Variants in DDX3X observed in about 807,000 individuals in gnomAD.
The protein encoded by DDX3X is ATP-dependent RNA helicase DDX3X.
Under a neutral mutation model 52.7 loss-of-function variants are expected in DDX3X, and 4 were observed. That is an observed-to-expected ratio of 0.08 (90% CI 0.04 to 0.17). The LOEUF (loss-of-function observed/expected upper bound fraction) is 0.17. DDX3X is among the 10% of genes least tolerant of loss of function. DDX3X has a pLI of 1.00. For missense variants in DDX3X, 222 were observed against 548.6 expected, an observed-to-expected ratio of 0.40 and a Z score of 5.95; for synonymous variants, 192 against 178.1, an observed-to-expected ratio of 1.08 and a Z score of -0.62.
At chrX:41,339,271 A>G (rs2063814023) in intron 3 of DDX3X, 188 bp downstream of exon 3, 1 of 218,525 alleles carries the variant, frequency 4.6e-6, no homozygotes, top group Non-Finnish European at 8.7e-6. Context: ...ACGCAGTGGG[A>G]AATTCGGCAT....
At position 41,340,977 on chromosome X, in the gene DDX3X, T is replaced by C. The variant is rs890267136; in HGVS notation, c.152-507T>C. On this transcript the variant is annotated intron_variant, in intron 3 of 16. Coordinates refer to ENST00000644876, the MANE Select transcript of DDX3X (RefSeq NM_001356.5). Reference sequence around the variant, plus strand: ...TAGACTGTCAGATTGCTTGATTTAGTGTAAAGTAATTTTTTTTTTTTTGAG... The same window carrying C: ...TAGACTGTCAGATTGCTTGATTTAGCGTAAAGTAATTTTTTTTTTTTTGAG... 4.1e-5 allele frequency: 11 copies of C among 268,480 alleles called. No homozygotes were observed. The South Asian group carries it at 2.5e-3, about 61-fold the overall frequency. The allele number at this position is 268,480 out of a possible 1,213,427, so 22.1% of individuals were successfully genotyped here. A position where few individuals can be genotyped will look rare whatever the true frequency, so the allele number is the denominator to read the frequency against.
intron 5 of DDX3X, among the ~76,000 whole-genome samples, chrX:41,355,775 C>T (rs1427652582): frequency 9.1e-6 from 1 of 109,290 alleles, no homozygotes; most frequent in African/African-American, 3.3e-5. Flanking sequence ...TGAGCCACCA[C>T]ACCAGGCATG....
At chrX:41,357,083 G>A (rs1402377575) in intron 5 of DDX3X, among the ~76,000 whole-genome samples, 2 of 108,122 alleles carry the variant, frequency 1.8e-5, no homozygotes, top group Admixed American at 2.0e-4. Context: ...ACAGGTGTGC[G>A]CCACCACACC....
intron 5 of DDX3X, among the ~76,000 whole-genome samples, chrX:41,358,275 T>G (rs2064016878): frequency 9.2e-6 from 1 of 108,600 alleles, no homozygotes; most frequent in Non-Finnish European, 1.9e-5. Context: ...ACAGAGTTTC[T>G]CCATGTTGGT....
rs766557541 is a variant in DDX3X, at chrX:41,342,722, AT to A, written c.444-9del. ...GCTAGTATAACAAATGAACTTATCCATTTTTTGATTTGAGGGAACTCTTTTC... is the reference window on the plus strand; with the variant it reads ...GCTAGTATAACAAATGAACTTATCCATTTTTGATTTGAGGGAACTCTTTTC... On this transcript the variant is annotated splice_polypyrimidine_tract_variant and intron_variant, in intron 5 of 16. Coordinates refer to ENST00000644876, the MANE Select transcript of DDX3X (RefSeq NM_001356.5). 1.7e-6 allele frequency: 2 copies of A among 1,209,009 alleles called. No individual in the cohort carries two copies. Among genetic ancestry groups the A allele is most frequent in the Admixed American group, 4.3e-5 (2 of 45,988 alleles).
In DDX3X at chrX:41,344,125, A is replaced by G; in HGVS notation, c.861A>G (p.Arg287=). The G allele has an allele frequency of 8.3e-7, 1 of 1,198,813 alleles. No homozygotes were observed. The highest frequency in any genetic ancestry group is 1.1e-6 in the Non-Finnish European group (1 of 887,739). The part of the protein sequence containing the change: ...ELAVQIYEEA[R]KFSYRSRVRP... ...CAGTACAGATCTACGAGGAAGCCAGAAAAGTAAGTATGAGTTCCAGTGATT... is the reference window on the plus strand; with the variant it reads ...CAGTACAGATCTACGAGGAAGCCAGGAAAGTAAGTATGAGTTCCAGTGATT... Residue 287 remains arginine (R), a synonymous_variant, in exon 9 of 17, where the codon AGA becomes AGG. Coordinates refer to ENST00000644876, the MANE Select transcript of DDX3X (RefSeq NM_001356.5).
Position 41,342,535 on chromosome X carries a change from A to C in DDX3X, c.325A>C (p.Ser109Arg), listed in dbSNP as rs1418745394. ...ACGGAGTGATTACGATGGCATTGGC[A>C]GCCGTGGTGACAGAAGTGGCTTTGG... ...RGRSDYDGIGSRGDRSGFGKF... is the reference protein window; with the variant it reads ...RGRSDYDGIGRRGDRSGFGKF... The change falls in exon 5 of 17, where the codon AGC becomes CGC. Residue 109 changes from serine to arginine, a missense_variant. Ser to Arg is a moderately radical substitution (Grantham distance 110). Around this residue, in one of 5 missense-constraint regions of DDX3X, gnomAD observed 93 missense variants for 123.7 expected, o/e 0.75. Coordinates refer to ENST00000644876, the MANE Select transcript of DDX3X (RefSeq NM_001356.5). The C allele has an allele frequency of 8.3e-7, 1 of 1,210,086 alleles. No individual in the cohort carries two copies. Among genetic ancestry groups the C allele is most frequent in the Non-Finnish European group, 1.1e-6 (1 of 895,215 alleles).
chrX:41,334,446 G>A (rs1294506354), intron 1 of DDX3X, 149 bp downstream of exon 1: 9 of 1,113,535 alleles, frequency 8.1e-6, no homozygotes, highest in Non-Finnish European at 1.1e-5. Context: ...GGGCTATAGA[G>A]GGATAGGAAT....
chrX:41,343,872 A>T (rs373772470), intron 8 of DDX3X, 50 bp downstream of exon 8: 1 of 1,071,979 alleles, frequency 9.3e-7, no homozygotes, highest in South Asian at 1.9e-5. Flanking sequence ...GTAGGTGGCC[A>T]TTGAGAGGGC....
rs2063925417 is a variant in DDX3X, at chrX:41,346,425, C to T, written c.1497+15C>T. On this transcript the variant is annotated intron_variant, in intron 13 of 16. Coordinates refer to ENST00000644876, the MANE Select transcript of DDX3X (RefSeq NM_001356.5). ...TGGCTACAGCAGTATGTATAAACAT[C>T]TTTCTTTTATTCAAATTGAGCATGT... 3 of 1,203,772 alleles carry T rather than the reference C, an allele frequency of 2.5e-6. No individual in the cohort carries two copies. The highest frequency in any genetic ancestry group is 3.4e-6 in the Non-Finnish European group (3 of 890,715).
intron 4 of DDX3X, chrX:41,342,264 C>G: frequency 3.0e-6 from 1 of 335,794 alleles, no homozygotes. Flanking sequence ...ATCTGTGAGG[C>G]CTTTTAGGCT....
rs1017583398 is a variant in DDX3X at position 41,346,520 on chromosome X, C to T, written c.1513C>T (p.Leu505=). Residue 505 remains leucine, a synonymous_variant, in exon 14 of 17, where the codon CTG becomes TTG. Transcript: ENST00000644876. ...LVATAVAARG[L]DISNVKHVIN... ...TATTTTCCAGGTAGCAGCAAGAGGA[C>T]TGGACATTTCAAATGTGAAACATGT... The T allele has an allele frequency of 1.7e-6, 2 of 1,208,934 alleles. No individual in the cohort carries two copies. Among genetic ancestry groups the T allele is most frequent in the East Asian group, 5.9e-5 (2 of 33,859 alleles).
At chrX:41,354,252 T>A (rs1251794129), downstream of DDX3X, among the ~76,000 whole-genome samples, 2 of 110,494 alleles carry the variant, frequency 1.8e-5, no homozygotes, top group Non-Finnish European at 3.8e-5. Context: ...TGCAGTCATG[T>A]GTGTAGTTCT....
At chrX:41,343,043 T>C in intron 6 of DDX3X, 173 bp from the exon 7 acceptor site, 1 of 613,123 alleles carries the variant, frequency 1.6e-6, no homozygotes, top group South Asian at 3.1e-5. Context: ...ACCCAAAGTC[T>C]TCTCCAATGT....
At chrX:41,353,297 CAAAAAAAAA>C (rs61067509), downstream of DDX3X, among the ~76,000 whole-genome samples, 39 of 46,038 alleles carry the variant, frequency 8.5e-4, no homozygotes, top group African/African-American at 3.5e-3. Context: ...ACTAAAAATA[CAAAAAAAAA>C]AAAAAAAAAA....
chrX:41,334,701 C>G, intron 1 of DDX3X: 3 of 1,002,541 alleles, frequency 3.0e-6, no homozygotes, highest in South Asian at 2.0e-5. Context: ...GCCTTCACGG[C>G]TGGCGCAGCC....
chrX:41,337,174 A>G (rs2063783330), intron 1 of DDX3X, among the ~76,000 whole-genome samples: 1 of 112,283 alleles, frequency 8.9e-6, no homozygotes, highest in South Asian at 3.7e-4. Flanking sequence ...CAGCACAAGC[A>G]TCTTGGTGTG....
chrX:41,356,596 C>T (rs1216434131), intron 5 of DDX3X, among the ~76,000 whole-genome samples: 1 of 106,635 alleles, frequency 9.4e-6, no homozygotes, highest in African/African-American at 3.4e-5. Context: ...GTAGCTGGGA[C>T]TACAGGCGCA....
rs2063906523 is a variant in DDX3X at position 41,345,115 on chromosome X, C to A, written c.1026-65C>A. The A allele has an allele frequency of 8.2e-6, 9 of 1,094,755 alleles. No homozygotes were observed. In the South Asian group the frequency reaches 1.5e-4, roughly 18 times the overall value. 90.2% of individuals were successfully genotyped at this position (1,094,755 alleles called of 1,213,427 possible). ...ATTTGTAATTATACTAACAGCCATA[C>A]TAAAACCATGTTGATTTCTCCTCAA... is the stretch of plus-strand genomic sequence containing the variant. On this transcript the variant is annotated intron_variant, in intron 10 of 16. Transcript: ENST00000644876.
Sources: allele counts gnomAD v4.1 joint callset (sites outside exome capture counted in the v4.1 genomes callset), GRCh38; gene constraint gnomAD v4.1.1; regional missense constraint gnomAD v4.1.1; transcripts MANE v1.5; gene names NCBI Gene and HGNC (gene_info 2026-07-23, HGNC 2026-07-21).